The following CPQ variants were observed in gnomAD, a reference collection of about 807,000 sequenced individuals.
The protein encoded by CPQ is Ser-Met dipeptidase.
In CPQ, 37 loss-of-function variants were observed where a neutral mutation model predicts 45.7. That is an observed-to-expected ratio of 0.81 (90% CI 0.62 to 1.07). The LOEUF is 1.07. Ranked by LOEUF, CPQ falls within the 50% of genes least tolerant of loss-of-function variation. The pLI is 0.00. For synonymous variants in CPQ, 186 were observed against 205.8 expected, an observed-to-expected ratio of 0.90 and a Z score of 0.82; for missense variants, 537 against 572.9, an observed-to-expected ratio of 0.94 and a Z score of 0.64.
intron 4 of CPQ, among the ~76,000 whole-genome samples, chr8:96,900,677 T>A (rs1367474785): frequency 6.6e-6 from 1 of 152,132 alleles, no homozygotes; most frequent in Non-Finnish European, 1.5e-5. Context: ...GACAATTTTA[T>A]ACTGTGAGCA....
intron 7 of CPQ, among the ~76,000 whole-genome samples, chr8:97,105,247 C>T (rs1349872981): frequency 6.6e-6 from 1 of 152,152 alleles, no homozygotes; most frequent in African/African-American, 2.4e-5. Context: ...CCCTTGACAA[C>T]CAACATTCTA....
intron 6 of CPQ, among the ~76,000 whole-genome samples, chr8:97,040,683 G>C (rs1810104415): frequency 6.6e-6 from 1 of 152,128 alleles, no homozygotes; most frequent in South Asian, 2.1e-4. Context: ...AAAGGATCCA[G>C]TTTCAGCTTT....
intron 2 of CPQ, among the ~76,000 whole-genome samples, chr8:96,808,277 A>G (rs1440838331): frequency 1.3e-5 from 2 of 152,216 alleles, no homozygotes. Flanking sequence ...AAAGAAAAAT[A>G]AAATTCATGA....
intron 1 of CPQ, among the ~76,000 whole-genome samples, chr8:96,677,108 A>G (rs1051026552): frequency 3.2e-4 from 48 of 152,072 alleles, no homozygotes; most frequent in Non-Finnish European, 5.4e-4. Context: ...ATATCTTTGC[A>G]ATTGCAAATT....
At chr8:96,702,848 T>TG (rs528890994) in intron 1 of CPQ, among the ~76,000 whole-genome samples, 167 of 152,168 alleles carry the variant, frequency 1.1e-3, no homozygotes, top group African/African-American at 3.5e-3. Flanking sequence ...GTGCTTTTTT[T>TG]GGGGGGGTTG....
At chr8:96,990,030 G>T (rs545197744) in intron 5 of CPQ, among the ~76,000 whole-genome samples, 7 of 151,986 alleles carry the variant, frequency 4.6e-5, no homozygotes, top group Non-Finnish European at 8.8e-5. Flanking sequence ...CACCAAATGG[G>T]CCTCCTTGCT....
chr8:97,060,240 C>A (rs1416458096), intron 6 of CPQ, among the ~76,000 whole-genome samples: 10 of 152,020 alleles, frequency 6.6e-5, no homozygotes, highest in Admixed American at 5.9e-4. Context: ...TTAAAACATG[C>A]AATATGTATT....
chr8:96,717,280 T>G (rs1809695220), intron 1 of CPQ, among the ~76,000 whole-genome samples: 1 of 151,726 alleles, frequency 6.6e-6, no homozygotes, highest in Non-Finnish European at 1.5e-5. Flanking sequence ...AGATCTACTT[T>G]TAGTTCTTTA....
intron 1 of CPQ, among the ~76,000 whole-genome samples, chr8:96,752,472 G>C (rs1384291638): frequency 6.6e-6 from 1 of 152,098 alleles, no homozygotes; most frequent in Non-Finnish European, 1.5e-5. Flanking sequence ...TTTGCATATT[G>C]ATTTTGTATC....
At chr8:96,830,625 T>G (rs1811443496) in intron 2 of CPQ, among the ~76,000 whole-genome samples, 1 of 152,118 alleles carries the variant, frequency 6.6e-6, no homozygotes, top group Admixed American at 6.6e-5. Context: ...CCACATTCTC[T>G]TCAGAAATTA....
intron 5 of CPQ, among the ~76,000 whole-genome samples, chr8:96,985,834 C>G (rs557696733): frequency 1.3e-5 from 2 of 152,176 alleles, no homozygotes; most frequent in South Asian, 4.1e-4. Flanking sequence ...TTTAAATGAC[C>G]AGTGTTACTG....
At chr8:96,976,866 T>C (rs979428014) in intron 5 of CPQ, among the ~76,000 whole-genome samples, 4 of 152,066 alleles carry the variant, frequency 2.6e-5, no homozygotes, top group African/African-American at 9.7e-5. Flanking sequence ...GAACAAAAAC[T>C]TAAATCTAAG....
intron 1 of CPQ, among the ~76,000 whole-genome samples, chr8:96,681,686 C>A (rs1809154388): frequency 6.6e-6 from 1 of 152,272 alleles, no homozygotes; most frequent in East Asian, 1.9e-4. Flanking sequence ...ACTGATAGAT[C>A]CACTGATAGC....
rs945952988 is a variant in CPQ at position 96,796,326 on chromosome 8, A to G, written c.433+10996A>G. 5.3e-5 allele frequency among the ~76,000 whole-genome samples: 8 copies of G among 152,010 alleles called. No homozygotes were observed. In the South Asian group the frequency reaches 8.3e-4, roughly 16 times the overall value. On this transcript the variant is annotated intron_variant, in intron 2 of 7. Coordinates refer to ENST00000220763, the MANE Select transcript of CPQ (RefSeq NM_016134.4). ...AATTATTTGAGCATATCTCTTGCCT[A>G]TTTTTCTACTGGTGCTTTAATGATA...
chr8:96,792,869 A>T (rs1285420777), intron 2 of CPQ, among the ~76,000 whole-genome samples: 1 of 152,220 alleles, frequency 6.6e-6, no homozygotes, highest in African/African-American at 2.4e-5. Flanking sequence ...TCACAGTTCC[A>T]CATGGCTGGG....
intron 3 of CPQ, among the ~76,000 whole-genome samples, chr8:96,839,905 T>C (rs1485820376): frequency 6.6e-6 from 1 of 152,216 alleles, no homozygotes; most frequent in Non-Finnish European, 1.5e-5. Flanking sequence ...AAGTAGATAC[T>C]GTATTGGTAT....
intron 1 of CPQ, among the ~76,000 whole-genome samples, chr8:96,770,694 G>A (rs973332487): frequency 4.8e-5 from 7 of 146,660 alleles, no homozygotes; most frequent in African/African-American, 1.7e-4. Context: ...ATAAATGAGT[G>A]TTATTTTATA....
intron 7 of CPQ, among the ~76,000 whole-genome samples, chr8:97,100,055 AAAGCAGAAGCATAGC>A (rs1230000658): frequency 6.6e-6 from 1 of 152,210 alleles, no homozygotes; most frequent in African/African-American, 2.4e-5. Flanking sequence ...AGACACAGAG[AAAGCAGAAGCATAGC>A]TACTGTTGTC....
At chr8:96,789,937 C>A (rs1810825236) in intron 2 of CPQ, among the ~76,000 whole-genome samples, 1 of 152,074 alleles carries the variant, frequency 6.6e-6, no homozygotes, top group South Asian at 2.1e-4. Flanking sequence ...ATGTGTGTAG[C>A]TTTTCAACCC....
Sources: gnomAD v4.1 joint callset for allele counts (sites outside exome capture counted in the v4.1 genomes callset) on GRCh38, gnomAD v4.1.1 for gene constraint, MANE v1.5 for transcripts, NCBI Gene and HGNC (gene_info 2026-07-23, HGNC 2026-07-21) for gene names.